Variants in ZNF148 observed in about 807,000 individuals in gnomAD.
ZNF148 encodes Beta-Enolase Repressor Factor-1.
A neutral mutation model predicts 67.7 loss-of-function variants in ZNF148; 7 were observed. The observed-to-expected ratio is 0.10, with a 90% CI of 0.06 to 0.19. ZNF148 has a LOEUF of 0.19. Ranked by LOEUF, ZNF148 falls within the 10% of genes least tolerant of loss-of-function variation. ZNF148 has a pLI of 1.00. For synonymous variants in ZNF148, 333 were observed against 330.7 expected (o/e 1.01, Z -0.08); for missense variants, 583 against 947.1 (o/e 0.62, Z 5.05).
chr3:125,253,510 A>C (rs2107552585), intron 7 of ZNF148, among the ~76,000 whole-genome samples: 1 of 152,294 alleles, frequency 6.6e-6, no homozygotes, highest in Non-Finnish European at 1.5e-5. Context: ...GATACCAGGC[A>C]TCAATCTCAG....
chr3:125,320,936 C>T (rs1465922329), intron 3 of ZNF148, among the ~76,000 whole-genome samples: 1 of 152,054 alleles, frequency 6.6e-6, no homozygotes, highest in Non-Finnish European at 1.5e-5. Flanking sequence ...AAATATCAAC[C>T]GGCCTCCAGA....
At chr3:125,242,720 CTTTTG>C (rs1202936093) in intron 7 of ZNF148, among the ~76,000 whole-genome samples, 4 of 152,172 alleles carry the variant, frequency 2.6e-5, no homozygotes, top group Non-Finnish European at 5.9e-5. Context: ...ATGGACAAAA[CTTTTG>C]TTTTTTCAGA....
At chr3:125,257,446 C>T (rs1251044606) in intron 7 of ZNF148, among the ~76,000 whole-genome samples, 2 of 150,498 alleles carry the variant, frequency 1.3e-5, no homozygotes, top group South Asian at 2.1e-4. Flanking sequence ...GTCCCAGCTA[C>T]GTGGGAGGCT....
intron 1 of ZNF148, among the ~76,000 whole-genome samples, chr3:125,345,898 T>C (rs1416205561): frequency 2.0e-5 from 3 of 152,118 alleles, no homozygotes; most frequent in Non-Finnish European, 4.4e-5. Flanking sequence ...TGGTGAATTC[T>C]ACCAAACATT....
chr3:125,298,372 C>CACACACAT (rs1050902396), intron 4 of ZNF148, among the ~76,000 whole-genome samples: 51 of 151,856 alleles, frequency 3.4e-4, no homozygotes, highest in African/African-American at 1.2e-3. Flanking sequence ...CACACACACA[C>CACACACAT]ATGCTCCTTT....
At chr3:125,315,994 C>A (rs897714974) in intron 3 of ZNF148, among the ~76,000 whole-genome samples, 23 of 151,890 alleles carry the variant, frequency 1.5e-4, no homozygotes, top group African/African-American at 5.6e-4. Context: ...ATTAACTATC[C>A]CCACCTTCCC....
chr3:125,321,048 T>C (rs1031006719), intron 3 of ZNF148, among the ~76,000 whole-genome samples: 1 of 152,168 alleles, frequency 6.6e-6, no homozygotes, highest in African/African-American at 2.4e-5. Flanking sequence ...CCTTGAAAAG[T>C]ATAGTTTTGA....
chr3:125,314,012 G>T (rs1288382313), intron 3 of ZNF148, among the ~76,000 whole-genome samples: 2 of 151,918 alleles, frequency 1.3e-5, no homozygotes, highest in Admixed American at 1.3e-4. Flanking sequence ...GATGAATTCA[G>T]TAAGGAATAA....
At chr3:125,307,758 A>G (rs905818638) in intron 4 of ZNF148, among the ~76,000 whole-genome samples, 16 of 150,950 alleles carry the variant, frequency 1.1e-4, no homozygotes, top group South Asian at 2.1e-4. Flanking sequence ...GATCCTCCCA[A>G]TTCAGCCTCC....
intron 1 of ZNF148, chr3:125,344,002 CA>C (rs1018599263): frequency 1.4e-4 from 23 of 164,946 alleles, no homozygotes; most frequent in South Asian, 1.7e-4. Flanking sequence ...TTGAAATGTT[CA>C]AAAAAAATGT....
chr3:125,337,951 T>A (rs6773670), intron 1 of ZNF148, among the ~76,000 whole-genome samples: 115,777 of 150,988 alleles, frequency 0.77, 44,826 homozygotes, highest in African/African-American at 0.84. Flanking sequence ...AAAAAAAAAA[T>A]TTTTTTTGTT....
chr3:125,235,717 T>G (rs189956431), intron 7 of ZNF148, among the ~76,000 whole-genome samples: 1 of 151,948 alleles, frequency 6.6e-6, no homozygotes, highest in African/African-American at 2.4e-5. Flanking sequence ...CCAACAACGA[T>G]AGACTGGATT....
In ZNF148 at chr3:125,227,006, C is replaced by T. The variant is rs538280004; in HGVS notation, c.*5335G>A. The stretch of plus-strand genomic sequence containing the variant: ...GAAAGACCCATTTTGTATCTGATCC[C>T]GAGTTTGCAGTTGAGTCCTTCCCAA... On this transcript the variant is annotated 3_prime_UTR_variant, in exon 9 of 9. Coordinates refer to ENST00000360647, the MANE Select transcript of ZNF148 (RefSeq NM_021964.3). 1.3e-5 allele frequency: 2 copies of T among 152,164 alleles called. No individual in the cohort carries two copies. The highest frequency in any genetic ancestry group is 6.6e-5 in the Admixed American group (1 of 15,252). The allele number at this position is 152,164 out of a possible 1,614,324, so 9.4% of individuals were successfully genotyped here. A position where few individuals can be genotyped will look rare whatever the true frequency, so the allele number is the denominator to read the frequency against.
At chr3:125,298,873 C>T (rs551186581) in intron 4 of ZNF148, among the ~76,000 whole-genome samples, 25 of 152,062 alleles carry the variant, frequency 1.6e-4, no homozygotes, top group South Asian at 8.3e-4. Context: ...GTGATCCGTC[C>T]GCCTCGGCCT....
intron 7 of ZNF148, among the ~76,000 whole-genome samples, chr3:125,263,881 A>C (rs1937454678): frequency 1.3e-5 from 2 of 152,202 alleles, no homozygotes; most frequent in Non-Finnish European, 1.5e-5. Flanking sequence ...CCTTGAGTAG[A>C]AGCCTAGAAA....
chr3:125,251,295 C>T (rs902735353), intron 7 of ZNF148, among the ~76,000 whole-genome samples: 4 of 152,088 alleles, frequency 2.6e-5, no homozygotes, highest in African/African-American at 7.2e-5. Flanking sequence ...TTTTAACTAC[C>T]TTTTTATCAA....
At chr3:125,300,404 A>G (rs187788683) in intron 4 of ZNF148, among the ~76,000 whole-genome samples, 20 of 152,360 alleles carry the variant, frequency 1.3e-4, no homozygotes, top group Admixed American at 1.3e-3. Flanking sequence ...ATAAACTTTA[A>G]AAGAAATGCA....
intron 5 of ZNF148, among the ~76,000 whole-genome samples, chr3:125,284,728 T>C (rs1426243329): frequency 6.6e-6 from 1 of 152,186 alleles, no homozygotes; most frequent in Non-Finnish European, 1.5e-5. Flanking sequence ...AAGCTTCTAT[T>C]ATGTAGAAAA....
Position 125,230,692 on chromosome 3 carries a change from A to G in ZNF148, c.*1649T>C, listed in dbSNP as rs1279387803. ...TTCTATATTGAAACAAAGACTGCAG[A>G]GCTATAGGGCCAGTATAAGAGTCAA... On this transcript the variant is annotated 3_prime_UTR_variant, in exon 9 of 9. Transcript: ENST00000360647. 2 of 152,456 alleles carry G rather than the reference A, an allele frequency of 1.3e-5. No homozygotes were observed. Among genetic ancestry groups the G allele is most frequent in the East Asian group, 3.8e-4 (2 of 5,204 alleles). The allele number at this position is 152,456 out of a possible 1,614,324, so 9.4% of individuals were successfully genotyped here. A position where few individuals can be genotyped will look rare whatever the true frequency, so the allele number is the denominator to read the frequency against.
Sources: gnomAD v4.1 joint callset for allele counts (sites outside exome capture counted in the v4.1 genomes callset) on GRCh38, gnomAD v4.1.1 for gene constraint, MANE v1.5 for transcripts, NCBI Gene and HGNC (gene_info 2026-07-23, HGNC 2026-07-21) for gene names.